Variants in KCNN2 observed in about 807,000 individuals in gnomAD.
KCNN2 encodes the protein small conductance calcium-activated potassium channel protein 2.
KCNN2 carries 24 observed loss-of-function variants against 55.5 expected under a neutral mutation model. The observed-to-expected ratio is 0.43, with a 90% CI of 0.31 to 0.61. The LOEUF (loss-of-function observed/expected upper bound fraction) is 0.61. KCNN2 is among the 20% of genes least tolerant of loss of function. The pLI is 0.08. For missense variants in KCNN2, 754 were observed against 853.6 expected (o/e 0.88, Z 1.45); for synonymous variants, 431 against 336.1 (o/e 1.28, Z -3.09).
intron 1 of KCNN2, among the ~76,000 whole-genome samples, chr5:114,215,048 A>G (rs567559570): frequency 2.8e-4 from 43 of 152,224 alleles, no homozygotes; most frequent in African/African-American, 9.9e-4. Context: ...CTTAGGAGGG[A>G]GGAGGAGTGT....
chr5:114,220,848 T>G, intron 1 of KCNN2, among the ~76,000 whole-genome samples: 1 of 146,712 alleles, frequency 6.8e-6, no homozygotes. Context: ...AAAAAAAAGT[T>G]AAAGTCAAGT....
At chr5:114,234,718 A>T (rs1341917549) in intron 2 of KCNN2, among the ~76,000 whole-genome samples, 1 of 152,088 alleles carries the variant, frequency 6.6e-6, no homozygotes, top group Non-Finnish European at 1.5e-5. Context: ...CAGAGTAGCT[A>T]GTGACAGGAT....
intron 1 of KCNN2, among the ~76,000 whole-genome samples, chr5:114,135,950 C>T (rs1752165785): frequency 6.6e-6 from 1 of 151,966 alleles, no homozygotes; most frequent in South Asian, 2.1e-4. Flanking sequence ...AAGATACTGT[C>T]TGAAAAATAA....
intron 2 of KCNN2, among the ~76,000 whole-genome samples, chr5:114,257,805 A>T (rs1374164195): frequency 1.3e-5 from 2 of 151,880 alleles, no homozygotes; most frequent in African/African-American, 4.8e-5. Flanking sequence ...AGATAATTTT[A>T]CTTATTTTCC....
At chr5:114,388,934 G>T (rs1758366143) in intron 2 of KCNN2, among the ~76,000 whole-genome samples, 1 of 152,100 alleles carries the variant, frequency 6.6e-6, no homozygotes, top group African/African-American at 2.4e-5. Flanking sequence ...AGTCTTTGTT[G>T]AGGTCAACAC....
intron 1 of KCNN2, among the ~76,000 whole-genome samples, chr5:114,074,329 T>C (rs143875831): frequency 0.18 from 24,937 of 138,366 alleles, 2,672 homozygotes; most frequent in East Asian, 0.48. Context: ...TGTGTGTGTG[T>C]GCGCGCGCGC....
chr5:114,241,903 A>C (rs1431462461), intron 2 of KCNN2, among the ~76,000 whole-genome samples: 1 of 146,558 alleles, frequency 6.8e-6, no homozygotes, highest in Admixed American at 6.8e-5. Flanking sequence ...AGATATACAT[A>C]TTGGACTATT....
At chr5:114,380,617 C>G (rs566116568) in intron 2 of KCNN2, among the ~76,000 whole-genome samples, 92 of 152,322 alleles carry the variant, frequency 6.0e-4, no homozygotes, top group Middle Eastern at 3.4e-3. Context: ...GTGCTAGACA[C>G]ATAATAATCA....
intron 1 of KCNN2, among the ~76,000 whole-genome samples, chr5:114,092,369 G>T (rs1244167131): frequency 6.6e-6 from 1 of 152,200 alleles, no homozygotes; most frequent in Admixed American, 6.5e-5. Flanking sequence ...AGCCCCTGTG[G>T]CTCTGAAGGG....
At chr5:114,078,362 C>T (rs1407965555) in intron 1 of KCNN2, among the ~76,000 whole-genome samples, 4 of 152,104 alleles carry the variant, frequency 2.6e-5, no homozygotes, top group Non-Finnish European at 5.9e-5. Flanking sequence ...AACTAGGGAG[C>T]TTTGTTTCTT....
At chr5:114,272,327 T>C (rs987065093) in intron 2 of KCNN2, among the ~76,000 whole-genome samples, 4 of 144,484 alleles carry the variant, frequency 2.8e-5, no homozygotes, top group Admixed American at 2.1e-4. Context: ...TATATGTATG[T>C]ACATATACAC....
chr5:114,364,897 T>G (rs1757556825), intron 2 of KCNN2, among the ~76,000 whole-genome samples: 1 of 142,298 alleles, frequency 7.0e-6, no homozygotes, highest in Non-Finnish European at 1.5e-5. Context: ...ATTTTCTGAG[T>G]TTTTTTTTTT....
chr5:114,262,308 G>A (rs1755124775), intron 2 of KCNN2, among the ~76,000 whole-genome samples: 1 of 152,162 alleles, frequency 6.6e-6, no homozygotes, highest in Non-Finnish European at 1.5e-5. Flanking sequence ...CCTTTCAGTA[G>A]TCTCAGACTC....
intron 2 of KCNN2, among the ~76,000 whole-genome samples, chr5:114,232,627 G>A (rs1034276503): frequency 6.7e-6 from 1 of 148,946 alleles, no homozygotes; most frequent in African/African-American, 2.6e-5. Context: ...GTCATCTTTT[G>A]ATGATCTCTT....
intron 1 of KCNN2, among the ~76,000 whole-genome samples, chr5:114,148,089 G>T (rs35411745): frequency 1.3e-5 from 2 of 152,138 alleles, no homozygotes; most frequent in African/African-American, 4.8e-5. Context: ...CATTCCTTGA[G>T]GTAAAACTTT....
intron 1 of KCNN2, among the ~76,000 whole-genome samples, chr5:114,070,861 C>CT (rs1750554202): frequency 6.6e-6 from 1 of 152,162 alleles, no homozygotes; most frequent in African/African-American, 2.4e-5. Context: ...GGAAATTATA[C>CT]TTTTTTCTTA....
Position 114,496,283 on chromosome 5 carries a change from G to T in KCNN2, c.*101G>T. On this transcript the variant is annotated 3_prime_UTR_variant, in exon 8 of 8. Coordinates refer to ENST00000673685, the MANE Select transcript of KCNN2 (RefSeq NM_021614.4). ...CTATGGTTCTAATCAGCGTTATCCG[G>T]GTTCTGATGTCAGAATCCTGGGAAC... The T allele has an allele frequency of 7.8e-7, 1 of 1,274,820 alleles. No homozygotes were observed. Among genetic ancestry groups the T allele is most frequent in the South Asian group, 1.5e-5 (1 of 65,470 alleles). 79.0% of individuals were successfully genotyped at this position (1,274,820 alleles called of 1,614,324 possible).
intron 3 of KCNN2, among the ~76,000 whole-genome samples, chr5:114,453,807 A>C (rs538147370): frequency 6.6e-6 from 1 of 151,756 alleles, no homozygotes; most frequent in East Asian, 1.9e-4. Flanking sequence ...CTTCCTATTA[A>C]TGCAATTTTT....
intron 4 of KCNN2, among the ~76,000 whole-genome samples, chr5:114,472,078 C>T (rs1761771145): frequency 1.3e-5 from 2 of 152,158 alleles, no homozygotes; most frequent in Admixed American, 6.5e-5. Flanking sequence ...GGTTGAGATT[C>T]TATCTGGAGG....
Sources: gnomAD v4.1 joint callset for allele counts (sites outside exome capture counted in the v4.1 genomes callset) on GRCh38, gnomAD v4.1.1 for gene constraint, MANE v1.5 for transcripts, NCBI Gene and HGNC (gene_info 2026-07-23, HGNC 2026-07-21) for gene names.